PCDH15: variants seen among roughly 807,000 people sequenced by gnomAD.
PCDH15 encodes the protein protocadherin-15.
Under a neutral mutation model 178.5 loss-of-function variants are expected in PCDH15, and 129 were observed. That is an observed-to-expected ratio of 0.72 (90% CI 0.63 to 0.84). The LOEUF (loss-of-function observed/expected upper bound fraction) is 0.84. Ranked by LOEUF, PCDH15 falls within the 40% of genes least tolerant of loss-of-function variation. The pLI, the probability that PCDH15 is intolerant of heterozygous loss-of-function variation, is 0.00. For missense variants in PCDH15, 2,230 were observed against 2,099.9 expected, an observed-to-expected ratio of 1.06 and a Z score of -1.21; for synonymous variants, 800 against 732.0, an observed-to-expected ratio of 1.09 and a Z score of -1.50.
Position 55,412,490 on chromosome 10 carries a change from C to A in PCDH15, c.-156+215135G>T, listed in dbSNP as rs184148044. On this transcript the variant is annotated intron_variant, in intron 2 of 5. Transcript: ENST00000613346. ...CTAGGTAGTGAACATAAAAGAAGTACCCTGAGAGAAATCTTAAAAGGAAGA... is the reference window on the plus strand; with the variant it reads ...CTAGGTAGTGAACATAAAAGAAGTAACCTGAGAGAAATCTTAAAAGGAAGA... 1.8e-3 allele frequency among the ~76,000 whole-genome samples: 266 copies of A among 151,642 alleles called. 1 individual carries two copies. Among genetic ancestry groups the A allele is most frequent in the African/African-American group, 6.1e-3 (252 of 41,398 alleles).
chr10:55,581,488 T>TA (rs1554800358), intron 2 of PCDH15, among the ~76,000 whole-genome samples: 2 of 64,524 alleles, frequency 3.1e-5, no homozygotes, highest in Non-Finnish European at 5.2e-5. Flanking sequence ...CTATTTGCTC[T>TA]GTTTTTTTTA....
chr10:55,263,053 G>A (rs1368878827), intron 1 of PCDH15, among the ~76,000 whole-genome samples: 2 of 152,100 alleles, frequency 1.3e-5, no homozygotes, highest in Non-Finnish European at 2.9e-5. Flanking sequence ...CTGTGATGGG[G>A]ATGAGGCAAC....
intron 4 of PCDH15, among the ~76,000 whole-genome samples, chr10:54,376,888 T>C (rs1216256808): frequency 6.6e-6 from 1 of 152,010 alleles, no homozygotes; most frequent in Non-Finnish European, 1.5e-5. Context: ...AAGATGCATG[T>C]ACAAAAATTT....
At chr10:54,779,489 T>C (rs148698273) in intron 1 of PCDH15, among the ~76,000 whole-genome samples, 1 of 802 alleles carries the variant, frequency 1.2e-3, no homozygotes, top group Non-Finnish European at 6.3e-3. Context: ...CATATATATG[T>C]ATATATATAC....
rs572429485 is a variant in PCDH15 at position 54,647,491 on chromosome 10, A to G, written c.91+16681T>C. Among the ~76,000 whole-genome samples the G allele has an allele frequency of 2.6e-5, 4 of 152,240 alleles. No individual in the cohort carries two copies. In the South Asian group the frequency reaches 8.3e-4, roughly 32 times the overall value. ...CAAATACAGTATTGTTAAAAACTTTAAAATATTTTTAAAAGGTAGAACCTC... is the reference window on the plus strand; with the variant it reads ...CAAATACAGTATTGTTAAAAACTTTGAAATATTTTTAAAAGGTAGAACCTC... On this transcript the variant is annotated intron_variant, in intron 2 of 37. Coordinates refer to ENST00000644397, the MANE Select transcript of PCDH15 (RefSeq NM_001384140.1).
chr10:54,926,387 A>T (rs1374487009), intron 2 of PCDH15, among the ~76,000 whole-genome samples: 1 of 151,934 alleles, frequency 6.6e-6, no homozygotes, highest in Non-Finnish European at 1.5e-5. Flanking sequence ...CAGTGTTCAT[A>T]ATAAATATTG....
chr10:54,379,625 C>T (rs922878746), intron 3 of PCDH15, among the ~76,000 whole-genome samples: 2 of 152,010 alleles, frequency 1.3e-5, no homozygotes, highest in Non-Finnish European at 2.9e-5. Flanking sequence ...TTGAATAAAA[C>T]TTGAAAAGAT....
chr10:55,089,622 C>T (rs1842263897), intron 2 of PCDH15, among the ~76,000 whole-genome samples: 1 of 152,054 alleles, frequency 6.6e-6, no homozygotes, highest in South Asian at 2.1e-4. Context: ...TGTATCATTA[C>T]AAATTGAAAG....
At chr10:54,713,914 C>A (rs975389757) in intron 1 of PCDH15, among the ~76,000 whole-genome samples, 1 of 152,062 alleles carries the variant, frequency 6.6e-6, no homozygotes, top group African/African-American at 2.4e-5. Flanking sequence ...TTTGCTTTCA[C>A]AGAAGAACCA....
intron 1 of PCDH15, among the ~76,000 whole-genome samples, chr10:55,317,227 T>C (rs1329454242): frequency 6.6e-6 from 1 of 152,184 alleles, no homozygotes; most frequent in Non-Finnish European, 1.5e-5. Flanking sequence ...AATGTTAGTA[T>C]ACACAAAGAA....
chr10:55,455,830 C>A (rs1287257767), intron 2 of PCDH15, among the ~76,000 whole-genome samples: 2 of 152,048 alleles, frequency 1.3e-5, no homozygotes, highest in Non-Finnish European at 2.9e-5. Context: ...AATTTACCAT[C>A]AGTAGAGGAC....
intron 27 of PCDH15, among the ~76,000 whole-genome samples, chr10:53,865,478 A>T: frequency 6.6e-6 from 1 of 152,228 alleles, no homozygotes; most frequent in East Asian, 1.9e-4. Context: ...AATGGAGGTT[A>T]TAAAGGTAAT....
chr10:54,868,529 A>C (rs11004610), intron 3 of PCDH15, among the ~76,000 whole-genome samples: 1 of 151,860 alleles, frequency 6.6e-6, no homozygotes, highest in South Asian at 2.1e-4. Context: ...TAGGTGCTTC[A>C]TCAGATCACA....
In PCDH15 at chr10:54,537,008, T is replaced by TTTTTC. The variant is rs2084621753; in HGVS notation, c.92-9132_92-9131insGAAAA. 8.4e-5 allele frequency among the ~76,000 whole-genome samples: 12 copies of TTTTTC among 142,090 alleles called. 1 individual carries two copies. In the South Asian group the frequency reaches 2.8e-3, roughly 34 times the overall value. The allele number at this position is 142,090 out of a possible 152,430, so 93.2% of individuals were successfully genotyped here. ...GAACAATTTGTTTCCTTTTTTTTTT[T>TTTTTC]TTTTTTTTTTGAGACGGCGTCTCTC... On this transcript the variant is annotated intron_variant, in intron 2 of 37. Coordinates refer to ENST00000644397, the MANE Select transcript of PCDH15 (RefSeq NM_001384140.1).
chr10:55,247,144 T>C (rs965802966), intron 1 of PCDH15, among the ~76,000 whole-genome samples: 4 of 152,208 alleles, frequency 2.6e-5, no homozygotes, highest in African/African-American at 9.6e-5. Context: ...TTAGAGTTTG[T>C]TCATGTTAGT....
intron 8 of PCDH15, among the ~76,000 whole-genome samples, chr10:54,282,322 A>T (rs2058748889): frequency 6.6e-6 from 1 of 152,226 alleles, no homozygotes; most frequent in East Asian, 1.9e-4. Context: ...GGAAAAGAGG[A>T]GAGAAAAAGA....
intron 2 of PCDH15, among the ~76,000 whole-genome samples, chr10:54,553,395 G>A (rs1458631074): frequency 1.3e-5 from 2 of 152,264 alleles, no homozygotes; most frequent in East Asian, 3.9e-4. Flanking sequence ...GTTCCCAAAT[G>A]TTAGTTTTAT....
At chr10:54,973,135 G>A (rs1162125012) in intron 2 of PCDH15, among the ~76,000 whole-genome samples, 1 of 152,014 alleles carries the variant, frequency 6.6e-6, no homozygotes, top group Non-Finnish European at 1.5e-5. Flanking sequence ...ACATGAATAA[G>A]GATTGGAAAA....
chr10:53,972,753 A>C (rs1241398895), intron 21 of PCDH15, among the ~76,000 whole-genome samples: 2 of 152,182 alleles, frequency 1.3e-5, no homozygotes, highest in Admixed American at 1.3e-4. Flanking sequence ...ACCATCTCAC[A>C]CCAGTTAGAA....
Sources: allele counts gnomAD v4.1 joint callset (sites outside exome capture counted in the v4.1 genomes callset), GRCh38; gene constraint gnomAD v4.1.1; transcripts MANE v1.5; gene names NCBI Gene and HGNC (gene_info 2026-07-23, HGNC 2026-07-21).